The following FBXL13 variants were observed in gnomAD, a reference collection of about 807,000 sequenced individuals.
FBXL13 encodes the protein F-box and leucine-rich repeat protein 13.
FBXL13 carries 67 observed loss-of-function variants against 83.6 expected under a neutral mutation model. The observed-to-expected ratio is 0.80, with a 90% confidence interval of 0.66 to 0.98. The LOEUF is 0.98. Among genes scored for constraint, FBXL13 ranks in the 50% least tolerant of loss-of-function variants. The probability of loss-of-function intolerance (pLI) is 0.00; values close to 1 mark genes in which losing one functional copy is unlikely to be tolerated. For synonymous variants in FBXL13, 272 were observed against 299.5 expected (o/e 0.91, Z 0.95); for missense variants, 822 against 866.5 (o/e 0.95, Z 0.64).
chr7:102,840,280 C>T (rs572067519), intron 17 of FBXL13, among the ~76,000 whole-genome samples: 40 of 152,214 alleles, frequency 2.6e-4, no homozygotes, highest in Non-Finnish European at 5.0e-4. Context: ...ATTTTCTCTC[C>T]AAAATAAAAA....
chr7:103,034,502 G>A (rs1223178543), intron 2 of FBXL13, among the ~76,000 whole-genome samples: 1 of 152,222 alleles, frequency 6.6e-6, no homozygotes, highest in Non-Finnish European at 1.5e-5. Flanking sequence ...CTGAGTGCGG[G>A]GTCCGCTGAG....
chr7:103,046,466 AC>A (rs991636277), intron 2 of FBXL13, among the ~76,000 whole-genome samples: 6 of 152,178 alleles, frequency 3.9e-5, no homozygotes, highest in African/African-American at 1.4e-4. Flanking sequence ...GTTCTATTTA[AC>A]CCATGATGTG....
At chr7:102,821,730 A>G (rs562066342) in intron 19 of FBXL13, among the ~76,000 whole-genome samples, 9 of 152,310 alleles carry the variant, frequency 5.9e-5, no homozygotes, top group African/African-American at 2.2e-4. Flanking sequence ...TTAATGCTCT[A>G]GGGGAGATTA....
intron 11 of FBXL13, among the ~76,000 whole-genome samples, chr7:102,893,964 G>GAA (rs1563055189): frequency 1.3e-5 from 1 of 75,378 alleles, no homozygotes; most frequent in South Asian, 5.1e-4. Flanking sequence ...GAAAGAAAGA[G>GAA]AGAAAGAAAG....
chr7:102,951,634 C>T (rs1823420030), intron 8 of FBXL13, among the ~76,000 whole-genome samples: 1 of 151,306 alleles, frequency 6.6e-6, no homozygotes, highest in African/African-American at 2.4e-5. Context: ...ATAGTCAGAG[C>T]CCGTCTCTAC....
At position 102,854,873 on chromosome 7, in the gene FBXL13, A is replaced by T. The variant is rs952862895; in HGVS notation, c.1636-13T>A. 3 of 1,421,604 alleles carry T rather than the reference A, an allele frequency of 2.1e-6. No individual in the cohort carries two copies. The highest frequency in any genetic ancestry group is 2.9e-6 in the Non-Finnish European group (3 of 1,021,848). 88.1% of individuals were successfully genotyped at this position (1,421,604 alleles called of 1,614,324 possible). On this transcript the variant is annotated splice_polypyrimidine_tract_variant and intron_variant, in intron 16 of 19. Transcript: ENST00000313221. ...GCACATTCAAACCCTAAAAATATTT[A>T]ATATAAAGATCATTTTGTGATTATC...
intron 6 of FBXL13, among the ~76,000 whole-genome samples, chr7:103,003,277 G>GTT (rs1239422520): frequency 5.0e-5 from 6 of 119,478 alleles, no homozygotes; most frequent in Admixed American, 1.7e-4. Context: ...GTTGTTTTGG[G>GTT]GTTTTTTTTT....
rs116292877 is a variant in FBXL13 at position 102,926,240 on chromosome 7, T to A, written c.878+34A>T. ...AGCCAGAGACTTTGGGAGCATAATT[T>A]TTTTCAGTGTCATACAAATAACACA... On this transcript the variant is annotated intron_variant, in intron 10 of 19. Transcript: ENST00000313221. 1,077 of 1,586,952 alleles carry A rather than the reference T, an allele frequency of 6.8e-4. 7 individuals are homozygous for A. The African/African-American group carries it at 0.014, about 20-fold the overall frequency.
chr7:102,973,789 C>G (rs766423269), intron 6 of FBXL13: 13 of 752,888 alleles, frequency 1.7e-5, no homozygotes, highest in Non-Finnish European at 2.4e-5. Flanking sequence ...TCCCGGGAGC[C>G]CGGTTAACAA....
At chr7:102,833,436 C>CTT (rs763657766) in intron 17 of FBXL13, among the ~76,000 whole-genome samples, 44 of 134,592 alleles carry the variant, frequency 3.3e-4, no homozygotes, top group Middle Eastern at 3.8e-3. Context: ...AGCCTGTTTC[C>CTT]TTTTTTTTTT....
At chr7:102,897,235 G>A (rs1812363383) in intron 11 of FBXL13, among the ~76,000 whole-genome samples, 1 of 151,960 alleles carries the variant, frequency 6.6e-6, no homozygotes, top group Admixed American at 6.6e-5. Flanking sequence ...GAGACAAGAT[G>A]AGATCATCAA....
chr7:102,907,257 C>A (rs1001641877), intron 11 of FBXL13, among the ~76,000 whole-genome samples: 2 of 152,126 alleles, frequency 1.3e-5, no homozygotes, highest in South Asian at 4.1e-4. Context: ...GCCAACAATT[C>A]TTAGATTTGC....
intron 10 of FBXL13, 101 bp downstream of exon 11, chr7:102,926,173 G>C: frequency 1.2e-6 from 1 of 867,734 alleles, no homozygotes; most frequent in Non-Finnish European, 1.8e-6. Context: ...CAGTGGTGGG[G>C]TGTTGATAAA....
At chr7:103,013,153 C>G (rs1161687758) in intron 6 of FBXL13, among the ~76,000 whole-genome samples, 1 of 152,166 alleles carries the variant, frequency 6.6e-6, no homozygotes, top group African/African-American at 2.4e-5. Context: ...TAGGGACCTA[C>G]AAAGAGACTT....
At chr7:102,944,586 A>G in intron 8 of FBXL13, 1 of 1,608,540 alleles carries the variant, frequency 6.2e-7, no homozygotes, top group Middle Eastern at 1.7e-4. Context: ...AGCAAAGCGT[A>G]ATAATTACTA....
downstream of FBXL13, among the ~76,000 whole-genome samples, chr7:102,811,315 A>G (rs544499454): frequency 8.5e-5 from 13 of 152,354 alleles, no homozygotes; most frequent in South Asian, 8.3e-4. Flanking sequence ...ACACAGACCT[A>G]TGAATATGAA....
chr7:102,904,564 G>A (rs1470944955), intron 11 of FBXL13, among the ~76,000 whole-genome samples: 3 of 151,180 alleles, frequency 2.0e-5, no homozygotes, highest in East Asian at 1.9e-4. Flanking sequence ...ATCTTTTTTT[G>A]TTGTCATTTC....
intron 18 of FBXL13, among the ~76,000 whole-genome samples, chr7:102,826,753 A>ATATATG (rs1799755427): frequency 8.9e-6 from 1 of 112,248 alleles, no homozygotes; most frequent in Admixed American, 1.1e-4. Flanking sequence ...ATATATATAT[A>ATATATG]TATATATATA....
At chr7:103,024,394 G>C (rs1051498820) in intron 6 of FBXL13, among the ~76,000 whole-genome samples, 3 of 151,818 alleles carry the variant, frequency 2.0e-5, no homozygotes, top group Admixed American at 1.3e-4. Flanking sequence ...TGGGCGTAGT[G>C]GTGGGCACCT....
Sources: gnomAD v4.1 joint callset for allele counts (sites outside exome capture counted in the v4.1 genomes callset) on GRCh38, gnomAD v4.1.1 for gene constraint, MANE v1.5 for transcripts, NCBI Gene and HGNC (gene_info 2026-07-23, HGNC 2026-07-21) for gene names.